DHX15: variants seen among roughly 807,000 people sequenced by gnomAD.
DHX15 encodes DEAH-box helicase 15, also known as ATP-dependent RNA helicase DHX15.
Under a neutral mutation model 94.4 loss-of-function variants are expected in DHX15, and 11 were observed. That is an observed-to-expected ratio of 0.12 (90% CI 0.07 to 0.19). The LOEUF is 0.19. DHX15 is among the 10% of genes least tolerant of loss of function. The pLI, the probability that DHX15 is intolerant of heterozygous loss-of-function variation, is 1.00. For synonymous variants in DHX15, 338 were observed against 329.9 expected, an observed-to-expected ratio of 1.02 and a Z score of -0.27; for missense variants, 304 against 988.5, an observed-to-expected ratio of 0.31 and a Z score of 9.29.
intron 1 of DHX15, among the ~76,000 whole-genome samples, chr4:24,578,112 C>T (rs897478709): frequency 6.6e-6 from 1 of 152,188 alleles, no homozygotes; most frequent in African/African-American, 2.4e-5. Context: ...AATCACAGAG[C>T]ATACAAGCCA....
At chr4:24,580,542 T>A (rs1387130244) in intron 1 of DHX15, among the ~76,000 whole-genome samples, 1 of 149,782 alleles carries the variant, frequency 6.7e-6, no homozygotes, top group Non-Finnish European at 1.5e-5. Context: ...ACAGTCTACC[T>A]CTGTTACCCA....
chr4:24,571,438 G>T (rs1055727549), intron 2 of DHX15, among the ~76,000 whole-genome samples: 1 of 152,170 alleles, frequency 6.6e-6, no homozygotes. Context: ...ACAGGACCTA[G>T]AGCAGCACCA....
chr4:24,536,053 C>G (rs1367304747), intron 11 of DHX15, among the ~76,000 whole-genome samples: 1 of 151,696 alleles, frequency 6.6e-6, no homozygotes, highest in African/African-American at 2.4e-5. Context: ...TATTTTTTTT[C>G]TCCTTTAAAT....
chr4:24,547,861 GTCTCTCTCTCTCTCTC>G lies in DHX15; in HGVS notation c.1248+978_1248+993del, dbSNP rs36229958. On this transcript the variant is annotated intron_variant, in intron 6 of 13. Coordinates refer to ENST00000336812, the MANE Select transcript of DHX15 (RefSeq NM_001358.3). ...TTATATAAATATTTAAGACATATAT[GTCTCTCTCTCTCTCTC>G]TCTCTCTCTCTCTATGTATGTATGT... Among the ~76,000 whole-genome samples the G allele has an allele frequency of 1.7e-3, 216 of 126,506 alleles. 6 individuals carry two copies. Among genetic ancestry groups the G allele is most frequent in the African/African-American group, 5.9e-3 (194 of 33,056 alleles). The allele number at this position is 126,506 out of a possible 152,430, so 83.0% of individuals were successfully genotyped here.
chr4:24,547,901 G>GTATGTATGTA (rs1560765687), intron 6 of DHX15, among the ~76,000 whole-genome samples: 2 of 14,186 alleles, frequency 1.4e-4, no homozygotes. Context: ...ATGTATGTAT[G>GTATGTATGTA]TGTATATATA....
At chr4:24,567,502 G>GTGAA (rs1722018058) in intron 3 of DHX15, among the ~76,000 whole-genome samples, 1 of 151,752 alleles carries the variant, frequency 6.6e-6, no homozygotes, top group Non-Finnish European at 1.5e-5. Flanking sequence ...GCTTGAACCC[G>GTGAA]CGAGGTGGAG....
chr4:24,551,381 T>C (rs1199804455), intron 5 of DHX15, among the ~76,000 whole-genome samples: 2 of 152,212 alleles, frequency 1.3e-5, no homozygotes, highest in Non-Finnish European at 2.9e-5. Context: ...ATTTTTTTAA[T>C]GTCCAACTGT....
chr4:24,552,578 G>C (rs1268585411), intron 5 of DHX15, among the ~76,000 whole-genome samples: 2 of 152,176 alleles, frequency 1.3e-5, no homozygotes, highest in Admixed American at 6.5e-5. Context: ...AAGGAGTACT[G>C]ATTTCGCAGT....
At chr4:24,580,383 G>C (rs1722383459) in intron 1 of DHX15, among the ~76,000 whole-genome samples, 1 of 152,066 alleles carries the variant, frequency 6.6e-6, no homozygotes, top group African/African-American at 2.4e-5. Flanking sequence ...CTCCAGCCTG[G>C]GAAACAGAGG....
chr4:24,551,890 A>T (rs965734295), intron 5 of DHX15, among the ~76,000 whole-genome samples: 3 of 152,192 alleles, frequency 2.0e-5, no homozygotes, highest in Non-Finnish European at 2.9e-5. Context: ...TGATTCCAGT[A>T]TTTTAAAATG....
At chr4:24,534,309 A>G (rs1169721228) in intron 11 of DHX15, 1 of 152,206 alleles carries the variant, frequency 6.6e-6, no homozygotes, top group Admixed American at 6.5e-5. Flanking sequence ...TGGACAATAA[A>G]AAGGCAAATT....
intron 1 of DHX15, among the ~76,000 whole-genome samples, chr4:24,579,890 A>G (rs1722370881): frequency 6.6e-6 from 1 of 151,994 alleles, no homozygotes; most frequent in Admixed American, 6.6e-5. Flanking sequence ...CTCAGCCTCC[A>G]GAGTAGCTGG....
chr4:24,569,388 A>G (rs1042934881), intron 3 of DHX15, among the ~76,000 whole-genome samples: 22 of 152,032 alleles, frequency 1.4e-4, no homozygotes, highest in African/African-American at 5.3e-4. Flanking sequence ...GTCAGGAGTT[A>G]GAGACCAGCC....
chr4:24,546,667 T>G (rs369700498), intron 6 of DHX15, among the ~76,000 whole-genome samples: 1 of 152,212 alleles, frequency 6.6e-6, no homozygotes, highest in African/African-American at 2.4e-5. Context: ...CTGTAACATG[T>G]TTAAAAGGCT....
chr4:24,532,135 C>G (rs1230657740), intron 12 of DHX15, among the ~76,000 whole-genome samples: 1 of 152,172 alleles, frequency 6.6e-6, no homozygotes, highest in Non-Finnish European at 1.5e-5. Flanking sequence ...CTCAAAGTTT[C>G]TCTTATTTTA....
intron 1 of DHX15, among the ~76,000 whole-genome samples, chr4:24,579,339 G>A (rs1211446583): frequency 6.6e-6 from 1 of 152,316 alleles, no homozygotes; most frequent in Non-Finnish European, 1.5e-5. Context: ...TGAAAGGTGA[G>A]TAAAAGGGGA....
intron 5 of DHX15, among the ~76,000 whole-genome samples, chr4:24,553,470 T>C (rs1292380309): frequency 3.3e-5 from 5 of 151,782 alleles, no homozygotes; most frequent in East Asian, 2.0e-4. Flanking sequence ...GCTGTTTATA[T>C]GCCATCAAAA....
In DHX15 at chr4:24,584,305, G is replaced by A. The variant is rs754261831; in HGVS notation, c.71+18C>T. 1.2e-6 allele frequency: 2 copies of A among 1,607,190 alleles called. No homozygotes were observed. Among genetic ancestry groups the A allele is most frequent in the South Asian group, 1.1e-5 (1 of 90,026 alleles). ...AACAAAGCCCGAGCTGCCGCCTCGCGCCCCCGGCCTGGCTTACCCATCGGT... is the reference window on the plus strand; with the variant it reads ...AACAAAGCCCGAGCTGCCGCCTCGCACCCCCGGCCTGGCTTACCCATCGGT... On this transcript the variant is annotated intron_variant, in intron 1 of 13. Coordinates refer to ENST00000336812, the MANE Select transcript of DHX15 (RefSeq NM_001358.3).
chr4:24,531,155 C>CT (rs1721075951), intron 12 of DHX15, among the ~76,000 whole-genome samples: 1 of 150,410 alleles, frequency 6.6e-6, no homozygotes, highest in Non-Finnish European at 1.5e-5. Context: ...GTGGCGCTAT[C>CT]TCGGCTCACT....
Sources: allele counts gnomAD v4.1 joint callset (sites outside exome capture counted in the v4.1 genomes callset), GRCh38; gene constraint gnomAD v4.1.1; transcripts MANE v1.5; gene names NCBI Gene and HGNC (gene_info 2026-07-23, HGNC 2026-07-21).